The following FGF12 variants were observed in gnomAD, a reference collection of about 807,000 sequenced individuals.
FGF12 encodes the protein fibroblast growth factor 12B.
FGF12 carries 14 observed loss-of-function variants against 23.6 expected under a neutral mutation model. The ratio of observed to expected loss-of-function variants is 0.59; its 90% CI spans 0.39 to 0.93. FGF12 has a LOEUF of 0.93. Ranked by LOEUF, FGF12 falls within the 40% of genes least tolerant of loss-of-function variation. The probability of loss-of-function intolerance (pLI) is 0.00; values close to 1 mark genes in which losing one functional copy is unlikely to be tolerated. For missense variants in FGF12, 175 were observed against 217.8 expected (o/e 0.80, Z 1.24); for synonymous variants, 62 against 77.3 (o/e 0.80, Z 1.04).
intron 2 of FGF12, among the ~76,000 whole-genome samples, chr3:192,396,415 G>A (rs1032281259): frequency 6.6e-6 from 1 of 152,170 alleles, no homozygotes; most frequent in Admixed American, 6.5e-5. Flanking sequence ...ACACAGAACA[G>A]GCAGATAGCT....
chr3:192,657,389 G>A (rs1194414203), intron 2 of FGF12, among the ~76,000 whole-genome samples: 2 of 149,060 alleles, frequency 1.3e-5, no homozygotes, highest in Non-Finnish European at 3.0e-5. Context: ...GGCAGAGTTG[G>A]AACTGCCTCT....
Position 192,360,333 on chromosome 3 carries a change from G to T in FGF12, c.124+95C>A. The T allele has an allele frequency of 1.2e-6, 1 of 825,356 alleles. No individual in the cohort carries two copies. Among genetic ancestry groups the T allele is most frequent in the Non-Finnish European group, 2.1e-6 (1 of 487,756 alleles). The allele number at this position is 825,356 out of a possible 1,614,324, so 51.1% of individuals were successfully genotyped here. A position where few individuals can be genotyped will look rare whatever the true frequency, so the allele number is the denominator to read the frequency against. ...ATAGTTAAATAGTTTGAAAGGCATA[G>T]TTTGGTAAGGCAGCTTAGCAATGCT... On this transcript the variant is annotated intron_variant, in intron 3 of 5. Transcript: ENST00000445105. This position sits in a 1 kb window ranked among gnomAD's most constrained non-coding sequence, Gnocchi z 4.3.
At chr3:192,368,645 G>T (rs914950192) in intron 2 of FGF12, among the ~76,000 whole-genome samples, 1 of 152,214 alleles carries the variant, frequency 6.6e-6, no homozygotes, top group Non-Finnish European at 1.5e-5. Context: ...TAGCCCTGTG[G>T]CTGCCAATTT....
At chr3:192,273,681 T>C (rs912097332) in intron 4 of FGF12, among the ~76,000 whole-genome samples, 2 of 152,186 alleles carry the variant, frequency 1.3e-5, no homozygotes, top group African/African-American at 4.8e-5. Flanking sequence ...AATGGATGTA[T>C]ATCTGACACT....
At chr3:192,270,983 G>A (rs1577304470) in intron 4 of FGF12, among the ~76,000 whole-genome samples, 1 of 152,266 alleles carries the variant, frequency 6.6e-6, no homozygotes, top group African/African-American at 2.4e-5. Context: ...GAGTTTCTCA[G>A]ATAGTATATT....
chr3:192,562,113 C>A (rs1384384318), intron 2 of FGF12, among the ~76,000 whole-genome samples: 1 of 152,048 alleles, frequency 6.6e-6, no homozygotes, highest in Non-Finnish European at 1.5e-5. Flanking sequence ...CATGATGGAT[C>A]TCAGAAATTT....
intron 2 of FGF12, among the ~76,000 whole-genome samples, chr3:192,676,688 T>C (rs1352591885): frequency 6.6e-6 from 1 of 152,148 alleles, no homozygotes; most frequent in Non-Finnish European, 1.5e-5. Context: ...TTTAATCCAG[T>C]ATGATTGGCA....
chr3:192,598,547 A>G (rs1202174253), intron 2 of FGF12, among the ~76,000 whole-genome samples: 1 of 152,154 alleles, frequency 6.6e-6, no homozygotes, highest in African/African-American at 2.4e-5. Context: ...GATATTCCTT[A>G]GAGGGCAGTG....
intron 2 of FGF12, among the ~76,000 whole-genome samples, chr3:192,725,908 G>C (rs1719199077): frequency 6.6e-6 from 1 of 152,136 alleles, no homozygotes; most frequent in Admixed American, 6.5e-5. Context: ...TCTCTCATAT[G>C]TGTACATCAT....
chr3:192,656,312 CACACACACAG>C (rs777966277), intron 2 of FGF12, among the ~76,000 whole-genome samples: 33 of 93,438 alleles, frequency 3.5e-4, no homozygotes, highest in Admixed American at 5.6e-4. Flanking sequence ...CACACACACA[CACACACACAG>C]AGAGAGAATT....
chr3:192,176,726 A>C (rs1447653300), intron 4 of FGF12, among the ~76,000 whole-genome samples: 1 of 152,250 alleles, frequency 6.6e-6, no homozygotes, highest in African/African-American at 2.4e-5. Context: ...TTTCAATATC[A>C]AGTTTTTCCT....
chr3:192,490,151 T>C (rs74714224), intron 2 of FGF12, among the ~76,000 whole-genome samples: 9,377 of 152,054 alleles, frequency 0.062, 984 homozygotes, highest in African/African-American at 0.22. Flanking sequence ...TCAGGACTTC[T>C]AAAGAAAAGT....
chr3:192,143,907 T>C lies in FGF12; in HGVS notation c.*102A>G. 1.3e-6 allele frequency: 1 copy of C among 765,168 alleles called. No individual in the cohort carries two copies. 47.4% of individuals were successfully genotyped at this position (765,168 alleles called of 1,614,324 possible). ...TAGCCACTAGGTCTTGCGTTGTCAT[T>C]TTATTTTCCTCTCCTTGGGTGGATT... is the stretch of plus-strand genomic sequence containing the variant. On this transcript the variant is annotated 3_prime_UTR_variant, in exon 6 of 6. Coordinates refer to ENST00000445105, the MANE Select transcript of FGF12 (RefSeq NM_004113.6).
intron 4 of FGF12, among the ~76,000 whole-genome samples, chr3:192,244,609 A>G (rs1719790079): frequency 6.6e-6 from 1 of 152,244 alleles, no homozygotes; most frequent in African/African-American, 2.4e-5. Context: ...AGATTGTTCA[A>G]TTTATCTTGT....
chr3:192,646,555 T>C (rs1716013032), intron 2 of FGF12, among the ~76,000 whole-genome samples: 1 of 152,178 alleles, frequency 6.6e-6, no homozygotes, highest in Admixed American at 6.5e-5. Context: ...GAAATACTGA[T>C]ATGTACTGCA....
chr3:192,650,504 C>T (rs1716176656), intron 2 of FGF12, among the ~76,000 whole-genome samples: 1 of 152,212 alleles, frequency 6.6e-6, no homozygotes, highest in Non-Finnish European at 1.5e-5. Flanking sequence ...CAACCCACTC[C>T]CTTGTACTTG....
chr3:192,480,497 G>A (rs1723450416), intron 2 of FGF12, among the ~76,000 whole-genome samples: 1 of 152,188 alleles, frequency 6.6e-6, no homozygotes, highest in African/African-American at 2.4e-5. Flanking sequence ...CTTATTACTA[G>A]AGAAGATAGT....
At chr3:192,240,913 T>C (rs1470004682) in intron 4 of FGF12, among the ~76,000 whole-genome samples, 1 of 152,170 alleles carries the variant, frequency 6.6e-6, no homozygotes, top group Non-Finnish European at 1.5e-5. Flanking sequence ...TTCTTTGAGC[T>C]TTCAGGAAAT....
At chr3:192,669,108 G>A (rs1717007702) in intron 2 of FGF12, among the ~76,000 whole-genome samples, 1 of 152,036 alleles carries the variant, frequency 6.6e-6, no homozygotes, top group Non-Finnish European at 1.5e-5. Flanking sequence ...TATGGCTATT[G>A]GAATAAGAAT....
Sources: gnomAD v4.1 joint callset for allele counts (sites outside exome capture counted in the v4.1 genomes callset) on GRCh38, gnomAD v4.1.1 for gene constraint, Gnocchi (gnomAD v3.1) non-coding constraint, MANE v1.5 for transcripts, NCBI Gene and HGNC (gene_info 2026-07-23, HGNC 2026-07-21) for gene names.